UBTD1: variants seen among roughly 807,000 people sequenced by gnomAD.
UBTD1 encodes ubiquitin domain containing 1.
A neutral mutation model predicts 21.7 loss-of-function variants in UBTD1; 19 were observed. That is an observed-to-expected ratio of 0.87 (90% CI 0.61 to 1.28). The LOEUF (loss-of-function observed/expected upper bound fraction) is 1.28. Ranked by LOEUF, UBTD1 falls within the 50% of genes most tolerant of loss-of-function variation. The pLI is 0.00. For missense variants in UBTD1, 282 were observed against 315.1 expected (o/e 0.89, Z 0.80); for synonymous variants, 116 against 135.1 (o/e 0.86, Z 0.98).
intron 1 of UBTD1, among the ~76,000 whole-genome samples, chr10:97,532,587 C>T (rs559727093): frequency 3.9e-5 from 6 of 152,118 alleles, no homozygotes; most frequent in East Asian, 1.9e-4. Context: ...GTCAAGAGAT[C>T]GAGACCATCC....
chr10:97,542,073 A>G (rs1450471916), intron 1 of UBTD1, among the ~76,000 whole-genome samples: 1 of 152,020 alleles, frequency 6.6e-6, no homozygotes, highest in East Asian at 1.9e-4. Flanking sequence ...CTGTGTTCCA[A>G]AGCCTCTGAG....
At chr10:97,537,782 C>T (rs889607525) in intron 1 of UBTD1, among the ~76,000 whole-genome samples, 1 of 151,172 alleles carries the variant, frequency 6.6e-6, no homozygotes, top group African/African-American at 2.4e-5. Context: ...AGAAAGGAGG[C>T]CTGGTCTTTC....
chr10:97,563,100 G>C (rs2040700758), intron 1 of UBTD1, among the ~76,000 whole-genome samples: 2 of 152,150 alleles, frequency 1.3e-5, no homozygotes, highest in South Asian at 4.1e-4. Flanking sequence ...TGATGGCCTG[G>C]ATGTGGTTTT....
intron 1 of UBTD1, among the ~76,000 whole-genome samples, chr10:97,522,734 C>T (rs894212796): frequency 2.6e-5 from 4 of 152,148 alleles, no homozygotes; most frequent in African/African-American, 9.6e-5. Flanking sequence ...TAGATTGTAC[C>T]TGGCTGGTGG....
At chr10:97,540,171 T>C (rs2040581164) in intron 1 of UBTD1, among the ~76,000 whole-genome samples, 1 of 152,266 alleles carries the variant, frequency 6.6e-6, no homozygotes, top group South Asian at 2.1e-4. Flanking sequence ...TCTTGTTTTT[T>C]CACATTTTTT....
chr10:97,500,943 G>A (rs1319086528), intron 1 of UBTD1, among the ~76,000 whole-genome samples: 1 of 152,156 alleles, frequency 6.6e-6, no homozygotes, highest in Non-Finnish European at 1.5e-5. Context: ...GCTCTGCATC[G>A]CTCCCTGTCC....
chr10:97,522,078 C>T (rs752316071), intron 1 of UBTD1, among the ~76,000 whole-genome samples: 14 of 152,320 alleles, frequency 9.2e-5, no homozygotes, highest in Non-Finnish European at 1.8e-4. Context: ...GTGGCAAGAG[C>T]ATGTCTGACA....
At chr10:97,538,105 C>T (rs2040571623) in intron 1 of UBTD1, among the ~76,000 whole-genome samples, 1 of 152,108 alleles carries the variant, frequency 6.6e-6, no homozygotes, top group African/African-American at 2.4e-5. Context: ...GGATTACAGG[C>T]ACCAGCCACC....
chr10:97,568,105 G>A lies in UBTD1; in HGVS notation c.262G>A (p.Ala88Thr). 4.3e-6 allele frequency: 7 copies of A among 1,613,788 alleles called. No homozygotes were observed. The highest frequency in any genetic ancestry group is 5.9e-6 in the Non-Finnish European group (7 of 1,180,046). The change falls in exon 2 of 3, where the codon GCC becomes ACC. Residue 88 changes from alanine to threonine, a missense_variant. Coordinates refer to ENST00000370664, the MANE Select transcript of UBTD1 (RefSeq NM_024954.5). ...AEANDHELAQ[A>T]ILDGASITLP... ...AGCCAACGACCACGAGCTGGCCCAG[G>A]CCATCCTGGATGGAGCCAGCATCAC... is the stretch of plus-strand genomic sequence containing the variant.
intron 1 of UBTD1, among the ~76,000 whole-genome samples, chr10:97,551,881 C>T (rs2040639125): frequency 6.6e-6 from 1 of 152,156 alleles, no homozygotes. Flanking sequence ...AATATAACCA[C>T]TGTTTACATT....
intron 1 of UBTD1, among the ~76,000 whole-genome samples, chr10:97,566,679 CG>C (rs939279571): frequency 1.3e-5 from 2 of 152,216 alleles, no homozygotes; most frequent in African/African-American, 4.8e-5. Context: ...CAGCGGAGAT[CG>C]CTGCCTGCAA....
chr10:97,542,338 G>C (rs1368727917), intron 1 of UBTD1, among the ~76,000 whole-genome samples: 2 of 152,232 alleles, frequency 1.3e-5, no homozygotes, highest in Non-Finnish European at 2.9e-5. Context: ...TTGTTGGCCT[G>C]TGAGTCACAC....
intron 1 of UBTD1, among the ~76,000 whole-genome samples, chr10:97,527,027 C>T (rs778316454): frequency 2.7e-5 from 4 of 149,300 alleles, no homozygotes; most frequent in Non-Finnish European, 4.5e-5. Flanking sequence ...GAAAATTAAC[C>T]AGGCGTGGTG....
chr10:97,542,916 G>A (rs976856239), intron 1 of UBTD1, among the ~76,000 whole-genome samples: 3 of 152,254 alleles, frequency 2.0e-5, no homozygotes, highest in African/African-American at 7.2e-5. Context: ...TGGGCAGCCT[G>A]GTTCTAGATC....
intron 1 of UBTD1, among the ~76,000 whole-genome samples, chr10:97,533,981 G>T (rs913358376): frequency 2.0e-5 from 3 of 152,066 alleles, no homozygotes; most frequent in African/African-American, 4.8e-5. Flanking sequence ...AGGGGCAGGT[G>T]ATGTGGGCCA....
At chr10:97,526,488 C>CG (rs2040489054) in intron 1 of UBTD1, among the ~76,000 whole-genome samples, 2 of 152,160 alleles carry the variant, frequency 1.3e-5, no homozygotes, top group South Asian at 4.1e-4. Flanking sequence ...ACAATAAAAT[C>CG]TGAGTCCAGG....
chr10:97,520,981 A>G (rs891697433), intron 1 of UBTD1, among the ~76,000 whole-genome samples: 2 of 152,080 alleles, frequency 1.3e-5, no homozygotes, highest in Non-Finnish European at 2.9e-5. Context: ...CTCTTCCACA[A>G]TGTTCTATAA....
At chr10:97,531,135 C>G (rs779650406) in intron 1 of UBTD1, among the ~76,000 whole-genome samples, 1 of 151,802 alleles carries the variant, frequency 6.6e-6, no homozygotes, top group Non-Finnish European at 1.5e-5. Context: ...GATCCGCCCT[C>G]CTTGGCCTCC....
Position 97,570,292 on chromosome 10 carries a change from G to A in UBTD1, c.453G>A (p.Leu151=). Residue 151 remains leucine, a synonymous_variant, in exon 3 of 3, where the codon CTG becomes CTA. Coordinates refer to ENST00000370664, the MANE Select transcript of UBTD1 (RefSeq NM_024954.5). The surrounding 1 kb of genome is among the most constrained non-coding windows in gnomAD (Gnocchi z 6.6). The part of the protein sequence containing the change: ...PPPSVRREFP[L]KVRLSTGKDV... ...CCAGCGTGCGCCGTGAGTTCCCGCT[G>A]AAGGTGCGCCTGTCCACGGGCAAGG... The A allele has an allele frequency of 1.2e-6, 2 of 1,613,276 alleles. No homozygotes were observed. The highest frequency in any genetic ancestry group is 1.1e-5 in the South Asian group (1 of 91,078).
Sources: gnomAD v4.1 joint callset for allele counts (sites outside exome capture counted in the v4.1 genomes callset) on GRCh38, gnomAD v4.1.1 for gene constraint, Gnocchi (gnomAD v3.1) non-coding constraint, MANE v1.5 for transcripts, NCBI Gene and HGNC (gene_info 2026-07-23, HGNC 2026-07-21) for gene names.